The following TCF7L2 variants were observed in gnomAD, a reference collection of about 807,000 sequenced individuals.
TCF7L2 encodes the protein transcription factor 7 like 2, also known as transcription factor 7-like 2.
In TCF7L2, 23 loss-of-function variants were observed where a neutral mutation model predicts 77.9. The observed-to-expected ratio is 0.30, with a 90% confidence interval of 0.21 to 0.42. TCF7L2 has a LOEUF of 0.42. Among genes scored for constraint, TCF7L2 ranks in the 10% least tolerant of loss-of-function variants. The probability of loss-of-function intolerance (pLI) is 1.00; values close to 1 mark genes in which losing one functional copy is unlikely to be tolerated. For missense variants in TCF7L2, 654 were observed against 793.1 expected (o/e 0.82, Z 2.11); for synonymous variants, 413 against 340.2 (o/e 1.21, Z -2.36).
intron 5 of TCF7L2, among the ~76,000 whole-genome samples, chr10:113,046,582 C>T (rs746599448): frequency 3.3e-5 from 5 of 152,256 alleles, no homozygotes; most frequent in African/African-American, 7.2e-5. Context: ...TTGTATTCCC[C>T]GCAACCCCAA....
At chr10:113,006,777 A>G (rs2045622552) in intron 4 of TCF7L2, among the ~76,000 whole-genome samples, 1 of 152,208 alleles carries the variant, frequency 6.6e-6, no homozygotes, top group African/African-American at 2.4e-5. Flanking sequence ...TTTCTTCATA[A>G]GAAACATGCC....
chr10:113,159,836 C>CT (rs1424535580), intron 12 of TCF7L2, 84 bp from the exon 14 acceptor site: 4 of 71,512 alleles, frequency 5.6e-5, no homozygotes, highest in African/African-American at 1.0e-3. Flanking sequence ...CTCTTCCCCC[C>CT]CCCCCCCCCT....
intron 5 of TCF7L2, among the ~76,000 whole-genome samples, chr10:113,090,612 ATCTC>A (rs1315043593): frequency 6.6e-6 from 1 of 152,090 alleles, no homozygotes; most frequent in Non-Finnish European, 1.5e-5. Context: ...CCTATTGATA[ATCTC>A]TCTCTCTTTT....
At chr10:112,958,887 A>G (rs1034771634) in intron 3 of TCF7L2, among the ~76,000 whole-genome samples, 1 of 152,226 alleles carries the variant, frequency 6.6e-6, no homozygotes, top group Non-Finnish European at 1.5e-5. Flanking sequence ...CAGCACTGCG[A>G]CTGCTAAGTG....
At chr10:113,122,563 A>G (rs888855197) in intron 5 of TCF7L2, among the ~76,000 whole-genome samples, 1 of 152,224 alleles carries the variant, frequency 6.6e-6, no homozygotes, top group African/African-American at 2.4e-5. Context: ...AAACCCTGCA[A>G]CTTAACCGTG....
intron 4 of TCF7L2, among the ~76,000 whole-genome samples, chr10:113,006,970 A>G (rs966676616): frequency 6.6e-6 from 1 of 152,080 alleles, no homozygotes; most frequent in Non-Finnish European, 1.5e-5. Context: ...TCCGTCCTTT[A>G]TGTGGCACAC....
chr10:113,029,477 C>G (rs1468657189), intron 4 of TCF7L2, among the ~76,000 whole-genome samples: 1 of 149,540 alleles, frequency 6.7e-6, no homozygotes, highest in Admixed American at 6.7e-5. Flanking sequence ...GTTCATTCTT[C>G]TATGGTGGAG....
intron 5 of TCF7L2, among the ~76,000 whole-genome samples, chr10:113,101,060 A>G (rs147983506): frequency 9.0e-4 from 137 of 152,068 alleles, no homozygotes; most frequent in African/African-American, 3.2e-3. Context: ...GAGTGACAAG[A>G]GCGAAACTCC....
chr10:112,956,148 G>A (rs2033525428), intron 3 of TCF7L2, among the ~76,000 whole-genome samples: 1 of 152,064 alleles, frequency 6.6e-6, no homozygotes, highest in African/African-American at 2.4e-5. Context: ...GCAAATTTTT[G>A]TGTGGACGCG....
chr10:113,006,289 T>C (rs576195139), intron 4 of TCF7L2, among the ~76,000 whole-genome samples: 1 of 152,310 alleles, frequency 6.6e-6, no homozygotes, highest in South Asian at 2.1e-4. Flanking sequence ...GTTTTCTTAG[T>C]TGAATCTTAC....
intron 12 of TCF7L2, among the ~76,000 whole-genome samples, chr10:113,160,304 T>A (rs1435340469): frequency 6.6e-6 from 1 of 152,004 alleles, no homozygotes. Context: ...AGGATCGGAA[T>A]CCTGGCCTAG....
intron 5 of TCF7L2, among the ~76,000 whole-genome samples, chr10:113,127,865 C>CG (rs1216449011): frequency 1.1e-5 from 1 of 90,634 alleles, no homozygotes; most frequent in East Asian, 2.4e-4. Context: ...GTTGCTGCGT[C>CG]CTTTTTTTTT....
chr10:113,113,288 G>A (rs1300241151), intron 5 of TCF7L2, among the ~76,000 whole-genome samples: 8 of 152,158 alleles, frequency 5.3e-5, no homozygotes, highest in Admixed American at 5.2e-4. Context: ...CCGTAAGCAG[G>A]TGAATTGGAA....
At chr10:113,082,810 G>A (rs2059444775) in intron 5 of TCF7L2, among the ~76,000 whole-genome samples, 1 of 152,044 alleles carries the variant, frequency 6.6e-6, no homozygotes, top group Non-Finnish European at 1.5e-5. Flanking sequence ...TGTGTTGGAG[G>A]TGGACACAAC....
chr10:113,153,387 C>G (rs895490581), intron 11 of TCF7L2, among the ~76,000 whole-genome samples: 20 of 152,220 alleles, frequency 1.3e-4, no homozygotes, highest in African/African-American at 4.6e-4. Context: ...AGGGGAACAC[C>G]AAAACTTGTC....
At chr10:113,107,115 G>A (rs2062427446) in intron 5 of TCF7L2, among the ~76,000 whole-genome samples, 1 of 152,204 alleles carries the variant, frequency 6.6e-6, no homozygotes, top group South Asian at 2.1e-4. Flanking sequence ...TTGACTTGCA[G>A]CCCATCATGG....
intron 4 of TCF7L2, among the ~76,000 whole-genome samples, chr10:112,974,242 A>G (rs962776716): frequency 6.6e-6 from 1 of 152,190 alleles, no homozygotes; most frequent in Non-Finnish European, 1.5e-5. Context: ...AGATATTTGT[A>G]TCTGTTCATT....
intron 5 of TCF7L2, among the ~76,000 whole-genome samples, chr10:113,080,033 C>T (rs1319998690): frequency 1.3e-5 from 2 of 151,868 alleles, no homozygotes; most frequent in Non-Finnish European, 2.9e-5. Flanking sequence ...ACTGTCTCTG[C>T]CTCTGTACAC....
At chr10:112,977,744 G>A (rs2135112120) in intron 4 of TCF7L2, among the ~76,000 whole-genome samples, 1 of 152,258 alleles carries the variant, frequency 6.6e-6, no homozygotes, top group South Asian at 2.1e-4. Flanking sequence ...GTCAAAGAGG[G>A]GACCACTTGG....
Sources: gnomAD v4.1 joint callset for allele counts (sites outside exome capture counted in the v4.1 genomes callset) on GRCh38, gnomAD v4.1.1 for gene constraint, MANE v1.5 for transcripts, NCBI Gene and HGNC (gene_info 2026-07-23, HGNC 2026-07-21) for gene names.